Variants in SHTN1 observed in about 807,000 individuals in gnomAD.
SHTN1 encodes shootin-1.
SHTN1 carries 42 observed loss-of-function variants against 83.1 expected under a neutral mutation model. The ratio of observed to expected loss-of-function variants is 0.51; its 90% CI spans 0.39 to 0.65. SHTN1 has a LOEUF of 0.65. Among genes scored for constraint, SHTN1 ranks in the 30% least tolerant of loss-of-function variants. The probability of loss-of-function intolerance (pLI) is 0.00; values close to 1 mark genes in which losing one functional copy is unlikely to be tolerated. For synonymous variants in SHTN1, 224 were observed against 247.7 expected, an observed-to-expected ratio of 0.90 and a Z score of 0.90; for missense variants, 622 against 737.8, an observed-to-expected ratio of 0.84 and a Z score of 1.82.
chr10:116,960,501 C>G (rs1319031877), intron 3 of SHTN1, among the ~76,000 whole-genome samples: 2 of 152,022 alleles, frequency 1.3e-5, no homozygotes, highest in Non-Finnish European at 2.9e-5. Context: ...GATTTTTTTA[C>G]AAGTCTATTT....
rs1488863018 is a variant in SHTN1 at position 116,884,382 on chromosome 10, C to T, written c.*1962G>A. The T allele has an allele frequency of 2.5e-6, 1 of 405,120 alleles. No homozygotes were observed. The highest frequency in any genetic ancestry group is 7.5e-5 in the East Asian group (1 of 13,378). 25.1% of individuals were successfully genotyped at this position (405,120 alleles called of 1,614,324 possible). On this transcript the variant is annotated 3_prime_UTR_variant, in exon 17 of 17. Coordinates refer to ENST00000355371, the MANE Select transcript of SHTN1 (RefSeq NM_001127211.3). ...CTTCATGTCAAATTAATTTAAAATG[C>T]TTTGTAATCACAGTGAGAGAAAGTA...
chr10:117,114,147 T>C (rs1853809779), intron 1 of SHTN1, among the ~76,000 whole-genome samples: 1 of 152,202 alleles, frequency 6.6e-6, no homozygotes, highest in African/African-American at 2.4e-5. Flanking sequence ...ATTTTGAAGC[T>C]GCAGCAAGCT....
intron 1 of SHTN1, among the ~76,000 whole-genome samples, chr10:117,070,158 C>A (rs1172883739): frequency 6.6e-6 from 1 of 151,306 alleles, no homozygotes; most frequent in Non-Finnish European, 1.5e-5. Context: ...TGCATTGATG[C>A]CCATAATGGA....
At chr10:116,946,777 G>A (rs867834669) in intron 7 of SHTN1, among the ~76,000 whole-genome samples, 8 of 151,158 alleles carry the variant, frequency 5.3e-5, no homozygotes, top group Non-Finnish European at 8.8e-5. Flanking sequence ...GAAGGCAGTG[G>A]TGCAATCTTG....
chr10:117,108,739 G>T lies in SHTN1; in HGVS notation c.-189+17568C>A, dbSNP rs546439157. 2.0e-5 allele frequency among the ~76,000 whole-genome samples: 3 copies of T among 152,090 alleles called. No homozygotes were observed. The South Asian group carries it at 6.2e-4, about 32-fold the overall frequency. ...TAAAAACAAGAAAAAAAAAGAAAAAGTACGTATTACCATGGATACATACAA... is the reference window on the plus strand; with the variant it reads ...TAAAAACAAGAAAAAAAAAGAAAAATTACGTATTACCATGGATACATACAA... On this transcript the variant is annotated intron_variant, in intron 1 of 17. Coordinates refer to the SHTN1 transcript ENST00000392901.
intron 2 of SHTN1, among the ~76,000 whole-genome samples, chr10:117,030,676 T>A (rs951327668): frequency 2.6e-5 from 4 of 151,820 alleles, no homozygotes; most frequent in African/African-American, 9.7e-5. Flanking sequence ...TTAGAAAGAA[T>A]CAAGCAGAAA....
At chr10:116,946,314 G>T (rs907311666) in intron 7 of SHTN1, among the ~76,000 whole-genome samples, 1 of 147,268 alleles carries the variant, frequency 6.8e-6, no homozygotes, top group Non-Finnish European at 1.5e-5. Context: ...GGATTGTAAA[G>T]GTTGAGATTT....
chr10:117,103,191 G>T (rs1266845466), intron 1 of SHTN1, among the ~76,000 whole-genome samples: 1 of 152,034 alleles, frequency 6.6e-6, no homozygotes, highest in Admixed American at 6.6e-5. Context: ...CCGGGTTCAA[G>T]CAATTCTTCT....
At chr10:117,029,239 T>C (rs781081918) in intron 2 of SHTN1, among the ~76,000 whole-genome samples, 3 of 152,224 alleles carry the variant, frequency 2.0e-5, no homozygotes, top group Non-Finnish European at 4.4e-5. Flanking sequence ...TGCCTCCCTT[T>C]TGGAATGGGA....
chr10:117,022,330 A>C (rs1852275119), intron 2 of SHTN1, among the ~76,000 whole-genome samples: 1 of 152,226 alleles, frequency 6.6e-6, no homozygotes, highest in Non-Finnish European at 1.5e-5. Context: ...ATAAACAATT[A>C]CTAAAGCTAC....
At chr10:116,993,708 G>A (rs942048898) in intron 1 of SHTN1, among the ~76,000 whole-genome samples, 1 of 152,060 alleles carries the variant, frequency 6.6e-6, no homozygotes, top group African/African-American at 2.4e-5. Context: ...TAAAATGAGT[G>A]AATTAAACAG....
At chr10:117,123,678 G>A (rs1293431993) in intron 1 of SHTN1, among the ~76,000 whole-genome samples, 2 of 151,626 alleles carry the variant, frequency 1.3e-5, no homozygotes, top group Non-Finnish European at 1.5e-5. Context: ...GCCAAGGTGG[G>A]TGGATTGCTT....
intron 2 of SHTN1, 95 bp downstream of exon 2, chr10:116,979,161 T>C (rs1850921509): frequency 9.7e-7 from 1 of 1,034,150 alleles, no homozygotes; most frequent in Non-Finnish European, 1.5e-6. Context: ...ACAACCCTCA[T>C]TCACATTTAA....
chr10:116,971,562 C>A (rs1356852699), intron 2 of SHTN1, among the ~76,000 whole-genome samples: 1 of 152,098 alleles, frequency 6.6e-6, no homozygotes, highest in Non-Finnish European at 1.5e-5. Flanking sequence ...TCTGTTTGGT[C>A]TGGATTTCCC....
At chr10:117,004,945 C>A in intron 1 of SHTN1, 77 bp downstream of exon 1, 3 of 1,385,930 alleles carry the variant, frequency 2.2e-6, no homozygotes, top group Non-Finnish European at 3.0e-6. Flanking sequence ...CTTCCAACTG[C>A]CCTGGCCCCA....
chr10:116,937,251 T>C (rs1336205933), intron 9 of SHTN1, among the ~76,000 whole-genome samples: 1 of 152,216 alleles, frequency 6.6e-6, no homozygotes, highest in Non-Finnish European at 1.5e-5. Flanking sequence ...AGTCTCTTCA[T>C]AGTGTCATTA....
rs537040243 is a variant in SHTN1 at position 116,937,593 on chromosome 10, C to T, written c.858+2873G>A. ...AACCTTTCTCTCTGGCCGCCCTTAA[C>T]ATTTTTTCCTTCATTTCAACCTTGG... is the stretch of plus-strand genomic sequence containing the variant. On this transcript the variant is annotated intron_variant, in intron 9 of 16. Transcript: ENST00000355371. 3.3e-5 allele frequency among the ~76,000 whole-genome samples: 5 copies of T among 152,222 alleles called. No homozygotes were observed. The South Asian group carries it at 8.3e-4, about 25-fold the overall frequency.
At chr10:116,964,404 A>G (rs1850316261) in intron 3 of SHTN1, among the ~76,000 whole-genome samples, 1 of 152,226 alleles carries the variant, frequency 6.6e-6, no homozygotes, top group Non-Finnish European at 1.5e-5. Context: ...AACCATTTCT[A>G]GGTGACTCTA....
At position 116,881,547 on chromosome 10, in the gene SHTN1, A is replaced by T; in HGVS notation, c.*4797T>A. The T allele has an allele frequency of 6.5e-7, 1 of 1,546,498 alleles. No homozygotes were observed. The highest frequency in any genetic ancestry group is 2.0e-5 in the Admixed American group (1 of 49,818). ...AGAAGAACACACTTTTTTTTACTTT[A>T]ATGAGGAAGCTGAAAAGGCTGCGGA... On this transcript the variant is annotated 3_prime_UTR_variant, in exon 17 of 17. Coordinates refer to ENST00000355371, the MANE Select transcript of SHTN1 (RefSeq NM_001127211.3).
Sources: gnomAD v4.1 joint callset for allele counts (sites outside exome capture counted in the v4.1 genomes callset) on GRCh38, gnomAD v4.1.1 for gene constraint, MANE v1.5 for transcripts, NCBI Gene and HGNC (gene_info 2026-07-23, HGNC 2026-07-21) for gene names.